METTL2B: variants seen among roughly 807,000 people sequenced by gnomAD.
METTL2B encodes methyltransferase 2B, tRNA N3-cytidine.
METTL2B carries 28 observed loss-of-function variants against 51.0 expected under a neutral mutation model. The observed-to-expected ratio is 0.55, with a 90% CI of 0.41 to 0.75. The LOEUF (loss-of-function observed/expected upper bound fraction) is 0.75, where lower values mean the gene tolerates loss of function less well. Among genes scored for constraint, METTL2B ranks in the 30% least tolerant of loss-of-function variants. METTL2B has a pLI of 0.00. For synonymous variants in METTL2B, 128 were observed against 166.3 expected (o/e 0.77, Z 1.77); for missense variants, 313 against 460.7 (o/e 0.68, Z 2.93).
At position 128,477,155 on chromosome 7, in the gene METTL2B, G is replaced by A. The variant is rs754270290; in HGVS notation, c.184G>A (p.Val62Met). 7.4e-6 allele frequency: 12 copies of A among 1,613,742 alleles called. No individual in the cohort carries two copies. In the African/African-American group the frequency reaches 1.1e-4, roughly 14 times the overall value. Residue 62 changes from valine (V) to methionine (M), a missense_variant, in exon 2 of 9, where the codon GTG becomes ATG. Physicochemically the swap from Val to Met is conservative, Grantham distance 21 (BLOSUM62 1). This residue lies in a region of METTL2B where 67 missense variants were observed against 101.4 expected (regional missense o/e 0.66). Transcript: ENST00000262432. ...AGTCCAGGAGAACAGTATCCAGCGG[G>A]TGTGCCAGGAGAAACAAGGTGCGCT... is the stretch of plus-strand genomic sequence containing the variant. ...RKVQENSIQR[V>M]CQEKQVDYEI...
intron 4 of METTL2B, chr7:128,484,235 T>TGTTTTG (rs1251183414): frequency 1.6e-4 from 18 of 112,236 alleles, no homozygotes; most frequent in South Asian, 6.7e-4. Context: ...TTTTTTTTTT[T>TGTTTTG]TTTTTTTTTT....
At chr7:128,495,475 G>T (rs1792908489) in intron 6 of METTL2B, among the ~76,000 whole-genome samples, 1 of 151,808 alleles carries the variant, frequency 6.6e-6, no homozygotes, top group Non-Finnish European at 1.5e-5. Context: ...TTCTGAGATG[G>T]AGTCTCACTC....
At position 128,479,342 on chromosome 7, in the gene METTL2B, T is replaced by TGAG; in HGVS notation, c.390_392dup (p.Glu130dup). 2 of 1,614,234 alleles carry TGAG rather than the reference T, an allele frequency of 1.2e-6. No individual in the cohort carries two copies. The highest frequency in any genetic ancestry group is 1.7e-6 in the Non-Finnish European group (2 of 1,180,038). ...GTGAAGTATGTGAATGTAGAAACAA[T>TGAG]GAGGATGGACCTGGTTTAATAATGG... On this transcript the variant is annotated inframe_insertion, in exon 3 of 9. Coordinates refer to ENST00000262432, the MANE Select transcript of METTL2B (RefSeq NM_018396.3).
chr7:128,477,981 C>T (rs1287796859), intron 2 of METTL2B: 1 of 449,668 alleles, frequency 2.2e-6, no homozygotes, highest in Admixed American at 2.4e-5. Context: ...ACATTAAGTG[C>T]TTTTCCCAGA....
intron 2 of METTL2B, among the ~76,000 whole-genome samples, chr7:128,478,370 C>T (rs560298337): frequency 1.3e-4 from 20 of 151,646 alleles, no homozygotes; most frequent in African/African-American, 4.8e-4. Context: ...CCTGCCTCAG[C>T]CTCCCGAGTA....
chr7:128,501,960 A>C lies in METTL2B; in HGVS notation c.*44A>C. ...ACGATGCAAGCCCGTTGTGTTTCCG[A>C]GCTTTTTTAAAAAAAAATTTGTAGC... On this transcript the variant is annotated 3_prime_UTR_variant, in exon 9 of 9. Transcript: ENST00000262432. 2 of 1,605,632 alleles carry C rather than the reference A, an allele frequency of 1.2e-6. No individual in the cohort carries two copies. Among genetic ancestry groups the C allele is most frequent in the Middle Eastern group, 1.7e-4 (1 of 6,018 alleles).
chr7:128,493,636 C>T (rs1403949959), intron 5 of METTL2B, among the ~76,000 whole-genome samples, 168 bp from the exon 6 acceptor site: 1 of 152,016 alleles, frequency 6.6e-6, no homozygotes, highest in African/African-American at 2.4e-5. Context: ...AGTTTGAGGC[C>T]AGCCTGGGCA....
In METTL2B at chr7:128,492,594, G is replaced by GGTTT. The variant is rs3993549; in HGVS notation, c.670-1181_670-1178dup. On this transcript the variant is annotated intron_variant, in intron 5 of 8. Coordinates refer to ENST00000262432, the MANE Select transcript of METTL2B (RefSeq NM_018396.3). The stretch of plus-strand genomic sequence containing the variant: ...ACTGTGCCTAGCAGATCGTGCTTTT[G>GGTTT]GTTTGTTTGTTTGTTTGTTTGTTTG... 6.5e-3 allele frequency among the ~76,000 whole-genome samples: 975 copies of GGTTT among 150,534 alleles called. 7 individuals are homozygous for GGTTT. The highest frequency in any genetic ancestry group is 9.5e-3 in the Non-Finnish European group (641 of 67,658).
chr7:128,494,491 A>G (rs541989419), intron 6 of METTL2B, among the ~76,000 whole-genome samples: 75 of 152,318 alleles, frequency 4.9e-4, no homozygotes, highest in Non-Finnish European at 7.8e-4. Flanking sequence ...GTGGCTCAAC[A>G]TTGGGAAAGA....
At chr7:128,488,485 T>C (rs2116853086) in intron 5 of METTL2B, 1 of 516,862 alleles carries the variant, frequency 1.9e-6, no homozygotes, top group East Asian at 5.6e-5. Flanking sequence ...TCAGACTTTT[T>C]TACTATTATG....
At chr7:128,492,655 T>C (rs531970575) in intron 5 of METTL2B, among the ~76,000 whole-genome samples, 2 of 151,192 alleles carry the variant, frequency 1.3e-5, no homozygotes, top group Non-Finnish European at 3.0e-5. Context: ...CTCCCTCTGT[T>C]GCCCAGGCTG....
chr7:128,477,708 C>CTGCT (rs1799820478), intron 2 of METTL2B, among the ~76,000 whole-genome samples: 1 of 151,524 alleles, frequency 6.6e-6, no homozygotes, highest in Admixed American at 6.6e-5. Flanking sequence ...AAGGAGGCCC[C>CTGCT]TGCTTGAGAG....
intron 3 of METTL2B, among the ~76,000 whole-genome samples, chr7:128,480,039 G>A (rs1007105853): frequency 5.3e-5 from 8 of 152,164 alleles, no homozygotes; most frequent in South Asian, 2.1e-4. Flanking sequence ...GACTGCGCAC[G>A]TTACTGGAAG....
intron 2 of METTL2B, 61 bp from the exon 3 acceptor site, chr7:128,479,097 G>A (rs2896398): frequency 2.0e-5 from 29 of 1,466,064 alleles, no homozygotes; most frequent in South Asian, 5.2e-5. Context: ...GATAATTGAC[G>A]TTAGATATAA....
intron 4 of METTL2B, 134 bp from the exon 5 acceptor site, chr7:128,487,967 G>A: frequency 4.6e-6 from 5 of 1,094,708 alleles, no homozygotes; most frequent in Non-Finnish European, 2.6e-6. Flanking sequence ...GAAATATGTT[G>A]TGACTAATAG....
intron 4 of METTL2B, among the ~76,000 whole-genome samples, chr7:128,487,692 C>A (rs1420188008): frequency 2.0e-5 from 3 of 152,184 alleles, no homozygotes; most frequent in Non-Finnish European, 2.9e-5. Flanking sequence ...GCTGTGAAAG[C>A]ACTCACTCAC....
intron 4 of METTL2B, among the ~76,000 whole-genome samples, chr7:128,486,477 G>C (rs1160589172): frequency 1.3e-5 from 2 of 151,934 alleles, no homozygotes; most frequent in African/African-American, 2.4e-5. Context: ...GTGGGCACCT[G>C]TAGTCCCAGC....
chr7:128,478,346 G>C (rs1799829034), intron 2 of METTL2B, among the ~76,000 whole-genome samples: 1 of 151,402 alleles, frequency 6.6e-6, no homozygotes, highest in Non-Finnish European at 1.5e-5. Context: ...CTCCTCCCTG[G>C]TTGAAGCGAT....
At position 128,506,563 on chromosome 7, in the gene METTL2B, C is replaced by T. The variant is rs1320447714; in HGVS notation, c.*4647C>T. 6.6e-6 allele frequency: 1 copy of T among 152,184 alleles called. No homozygotes were observed. Among genetic ancestry groups the T allele is most frequent in the Non-Finnish European group, 1.5e-5 (1 of 68,070 alleles). 9.4% of individuals were successfully genotyped at this position (152,184 alleles called of 1,614,324 possible). Reference sequence around the variant, plus strand: ...GTTGGGAGGGATTAAAGTATATGACCTCAGTGCCACTTAAAAAATAAATAC... The same window carrying T: ...GTTGGGAGGGATTAAAGTATATGACTTCAGTGCCACTTAAAAAATAAATAC... On this transcript the variant is annotated 3_prime_UTR_variant, in exon 9 of 9. Coordinates refer to ENST00000262432, the MANE Select transcript of METTL2B (RefSeq NM_018396.3).
Sources: gnomAD v4.1 joint callset for allele counts (sites outside exome capture counted in the v4.1 genomes callset) on GRCh38, gnomAD v4.1.1 for gene constraint, gnomAD v4.1.1 regional missense constraint, MANE v1.5 for transcripts, NCBI Gene and HGNC (gene_info 2026-07-23, HGNC 2026-07-21) for gene names.